The following TLE1 variants were observed in gnomAD, a reference collection of about 807,000 sequenced individuals.
TLE1 encodes TLE family member 1, transcriptional corepressor, also known as transducin-like enhancer protein 1.
A neutral mutation model predicts 89.8 loss-of-function variants in TLE1; 21 were observed. The ratio of observed to expected loss-of-function variants is 0.23; its 90% confidence interval spans 0.17 to 0.34. TLE1 has a LOEUF of 0.34. Among genes scored for constraint, TLE1 ranks in the 10% least tolerant of loss-of-function variants. The probability of loss-of-function intolerance (pLI) is 1.00; values close to 1 mark genes in which losing one functional copy is unlikely to be tolerated. For synonymous variants in TLE1, 447 were observed against 407.6 expected, an observed-to-expected ratio of 1.10 and a Z score of -1.16; for missense variants, 795 against 1,031.2, an observed-to-expected ratio of 0.77 and a Z score of 3.14.
chr9:81,641,179 C>T (rs1317579052), intron 6 of TLE1, among the ~76,000 whole-genome samples: 1 of 151,958 alleles, frequency 6.6e-6, no homozygotes. Flanking sequence ...CTTTAAAACA[C>T]TCAATTCCTA....
intron 4 of TLE1, among the ~76,000 whole-genome samples, chr9:81,656,323 G>A (rs898014479): frequency 6.6e-6 from 1 of 152,130 alleles, no homozygotes; most frequent in African/African-American, 2.4e-5. Context: ...AAGGAGTAGA[G>A]ATGCCTTTGG....
At chr9:81,627,211 G>T (rs995122481) in intron 8 of TLE1, among the ~76,000 whole-genome samples, 3 of 151,928 alleles carry the variant, frequency 2.0e-5, no homozygotes, top group Non-Finnish European at 2.9e-5. Context: ...ATGATAAAAA[G>T]ATTATAGGGA....
intron 14 of TLE1, among the ~76,000 whole-genome samples, chr9:81,605,517 G>T (rs1267964327): frequency 6.6e-6 from 1 of 152,156 alleles, no homozygotes; most frequent in Non-Finnish European, 1.5e-5. Flanking sequence ...TTACTAAATA[G>T]TAAGAACAAC....
At position 81,688,316 on chromosome 9, in the gene TLE1, G is replaced by A. The variant is rs754245804; in HGVS notation, c.-76C>T. 7.2e-5 allele frequency: 103 copies of A among 1,425,320 alleles called. No individual in the cohort carries two copies. Among genetic ancestry groups the A allele is most frequent in the Non-Finnish European group, 8.7e-5 (94 of 1,083,364 alleles). 88.3% of individuals were successfully genotyped at this position (1,425,320 alleles called of 1,614,324 possible). On this transcript the variant is annotated 5_prime_UTR_variant, in exon 1 of 20. Transcript: ENST00000376499. Reference sequence around the variant, plus strand: ...CAATTTCCAACTTTAATCCCGCCGAGGAAAATTAAGCCGGAAAGCCAAGCA... The same window carrying A: ...CAATTTCCAACTTTAATCCCGCCGAAGAAAATTAAGCCGGAAAGCCAAGCA...
intron 4 of TLE1, among the ~76,000 whole-genome samples, chr9:81,684,993 T>C (rs1834086223): frequency 6.6e-6 from 1 of 152,222 alleles, no homozygotes; most frequent in Non-Finnish European, 1.5e-5. Flanking sequence ...GTGTGAATTT[T>C]ATGGGAACTT....
At chr9:81,653,092 A>G (rs540399944) in intron 5 of TLE1, among the ~76,000 whole-genome samples, 1 of 152,320 alleles carries the variant, frequency 6.6e-6, no homozygotes, top group African/African-American at 2.4e-5. Context: ...GTGGATCACT[A>G]AAGTCTAACA....
intron 4 of TLE1, among the ~76,000 whole-genome samples, chr9:81,684,890 C>T (rs770839836): frequency 3.3e-5 from 5 of 152,168 alleles, no homozygotes; most frequent in Non-Finnish European, 5.9e-5. Context: ...GTCCTTTGGG[C>T]TGAGCAATCA....
intron 14 of TLE1, among the ~76,000 whole-genome samples, chr9:81,596,817 C>T (rs981736883): frequency 2.6e-5 from 4 of 152,200 alleles, no homozygotes; most frequent in African/African-American, 9.6e-5. Context: ...TGATCCTGCT[C>T]TGTTCCTTGA....
chr9:81,585,369 A>G, intron 18 of TLE1, 136 bp downstream of exon 18: 1 of 1,160,330 alleles, frequency 8.6e-7, no homozygotes, highest in South Asian at 1.6e-5. Flanking sequence ...TGAAGGGCAT[A>G]TTAAAACAAT....
At chr9:81,661,600 G>A (rs193124463) in intron 4 of TLE1, among the ~76,000 whole-genome samples, 2 of 152,290 alleles carry the variant, frequency 1.3e-5, no homozygotes, top group East Asian at 1.9e-4. Flanking sequence ...CAAGCGGGAA[G>A]CCAAGATAAA....
In TLE1 at chr9:81,689,070, C is replaced by A. The variant is rs974100779; in HGVS notation, c.-830G>T. 1 of 152,250 alleles carries A rather than the reference C, an allele frequency of 6.6e-6. No individual in the cohort carries two copies. The highest frequency in any genetic ancestry group is 1.5e-5 in the Non-Finnish European group (1 of 68,116). 9.4% of individuals were successfully genotyped at this position (152,250 alleles called of 1,614,324 possible). On this transcript the variant is annotated 5_prime_UTR_variant, in exon 1 of 20. Transcript: ENST00000376499. The stretch of plus-strand genomic sequence containing the variant: ...TCGAGCCCGGGGAGCATCAGGGCGC[C>A]GCGCCTCGGGCGCACTCGCCCTGCA...
At chr9:81,625,433 C>CA (rs1825780776) in intron 8 of TLE1, among the ~76,000 whole-genome samples, 1 of 152,172 alleles carries the variant, frequency 6.6e-6, no homozygotes, top group Non-Finnish European at 1.5e-5. Flanking sequence ...CTCTGGGAAC[C>CA]ATGTTTTATT....
intron 4 of TLE1, among the ~76,000 whole-genome samples, chr9:81,678,335 C>T (rs955334226): frequency 6.6e-6 from 1 of 152,126 alleles, no homozygotes; most frequent in Admixed American, 6.5e-5. Flanking sequence ...TCACTCAGCA[C>T]TAGTACTAGC....
At position 81,584,073 on chromosome 9, in the gene TLE1, C is replaced by T; in HGVS notation, c.*125G>A. 2.5e-6 allele frequency: 2 copies of T among 803,878 alleles called. No homozygotes were observed. The highest frequency in any genetic ancestry group is 4.8e-5 in the Admixed American group (2 of 41,332). 49.8% of individuals were successfully genotyped at this position (803,878 alleles called of 1,614,324 possible). Reference sequence around the variant, plus strand: ...CTCTTTGTAGACTCAAAGTAGTTTTCTGTCAAGGTTTGGAAACAGGTGTTT... The same window carrying T: ...CTCTTTGTAGACTCAAAGTAGTTTTTTGTCAAGGTTTGGAAACAGGTGTTT... On this transcript the variant is annotated 3_prime_UTR_variant, in exon 20 of 20. Transcript: ENST00000376499.
At chr9:81,658,673 G>A (rs1830422328) in intron 4 of TLE1, among the ~76,000 whole-genome samples, 1 of 152,148 alleles carries the variant, frequency 6.6e-6, no homozygotes, top group Non-Finnish European at 1.5e-5. Flanking sequence ...CCTGGCAGGT[G>A]AGGGTACACA....
rs747416621 is a variant in TLE1 at position 81,590,779 on chromosome 9, CTCCTTAGACGACCA to C, written c.1829+12_1829+25del. 2 of 1,606,324 alleles carry C rather than the reference CTCCTTAGACGACCA, an allele frequency of 1.2e-6. No homozygotes were observed. Among genetic ancestry groups the C allele is most frequent in the African/African-American group, 2.7e-5 (2 of 74,778 alleles). On this transcript the variant is annotated intron_variant, in intron 16 of 19. Transcript: ENST00000376499. The stretch of plus-strand genomic sequence containing the variant: ...GCCCAGCTGCTAAAGAAGCGAACCC[CTCCTTAGACGACCA>C]TCTTTGCTCACCTCACTAGTGTCTG...
At chr9:81,637,640 GTTTCT>G (rs1470961510) in intron 6 of TLE1, among the ~76,000 whole-genome samples, 37 of 99,658 alleles carry the variant, frequency 3.7e-4, no homozygotes, top group Admixed American at 9.7e-4. Flanking sequence ...TACAATGAAA[GTTTCT>G]TTTTTTTTTT....
intron 4 of TLE1, among the ~76,000 whole-genome samples, chr9:81,654,465 C>T (rs1473070265): frequency 6.6e-6 from 1 of 152,148 alleles, no homozygotes; most frequent in East Asian, 1.9e-4. Flanking sequence ...CTCAGCCTCC[C>T]AAGTAGCTGG....
chr9:81,588,594 T>A (rs946869593), intron 16 of TLE1, among the ~76,000 whole-genome samples: 1 of 152,094 alleles, frequency 6.6e-6, no homozygotes, highest in Non-Finnish European at 1.5e-5. Context: ...AAAATCGCCA[T>A]CAGAAACGAT....
Sources: allele counts gnomAD v4.1 joint callset (sites outside exome capture counted in the v4.1 genomes callset), GRCh38; gene constraint gnomAD v4.1.1; transcripts MANE v1.5; gene names NCBI Gene and HGNC (gene_info 2026-07-23, HGNC 2026-07-21).